CHMP4B: variants seen among roughly 807,000 people sequenced by gnomAD.
CHMP4B encodes SNF7 homolog associated with Alix 1.
In CHMP4B, 1 loss-of-function variant was observed where a neutral mutation model predicts 25.1. The ratio of observed to expected loss-of-function variants is 0.04; its 90% CI spans 0.01 to 0.19. CHMP4B has a LOEUF of 0.19. Ranked by LOEUF, CHMP4B falls within the 10% of genes least tolerant of loss-of-function variation. The pLI is 1.00. For synonymous variants in CHMP4B, 101 were observed against 115.6 expected (o/e 0.87, Z 0.81); for missense variants, 151 against 289.7 (o/e 0.52, Z 3.48).
intron 1 of CHMP4B, among the ~76,000 whole-genome samples, chr20:33,844,847 C>G (rs1462501779): frequency 9.9e-5 from 15 of 151,748 alleles, no homozygotes; most frequent in Non-Finnish European, 1.9e-4. Context: ...CAAGCTCCGC[C>G]TCCTGGGCTC....
intron 1 of CHMP4B, among the ~76,000 whole-genome samples, chr20:33,813,412 T>C (rs767452627): frequency 5.3e-5 from 8 of 152,036 alleles, no homozygotes; most frequent in Non-Finnish European, 1.0e-4. Context: ...TTTTAAAACA[T>C]CATCTGGCTG....
At chr20:33,820,271 G>A (rs957016817) in intron 1 of CHMP4B, among the ~76,000 whole-genome samples, 12 of 152,280 alleles carry the variant, frequency 7.9e-5, no homozygotes, top group Middle Eastern at 3.4e-3. Context: ...ATCCTCAGGT[G>A]GTTTGTATGC....
At chr20:33,813,286 A>C (rs1313895609) in intron 1 of CHMP4B, among the ~76,000 whole-genome samples, 1 of 152,194 alleles carries the variant, frequency 6.6e-6, no homozygotes, top group Admixed American at 6.5e-5. Context: ...GTGGTATGGA[A>C]TAAAGGGGGC....
chr20:33,853,621 G>C lies in CHMP4B; in HGVS notation c.*61G>C. ...GGTGGCCTGCGCAGCGAGCAGGCGT[G>C]TGCGTGTGTGGGGCAGGCAGGATGT... On this transcript the variant is annotated 3_prime_UTR_variant, in exon 5 of 5. Coordinates refer to ENST00000217402, the MANE Select transcript of CHMP4B (RefSeq NM_176812.5). 1 of 1,449,592 alleles carries C rather than the reference G, an allele frequency of 6.9e-7. No homozygotes were observed. The highest frequency in any genetic ancestry group is 9.7e-7 in the Non-Finnish European group (1 of 1,030,554). The allele number at this position is 1,449,592 out of a possible 1,614,324, so 89.8% of individuals were successfully genotyped here.
intron 2 of CHMP4B, among the ~76,000 whole-genome samples, chr20:33,849,475 C>G (rs1349592431): frequency 2.6e-5 from 4 of 152,168 alleles, no homozygotes; most frequent in African/African-American, 9.7e-5. Context: ...TGGCATGCGC[C>G]TGTAATCCCA....
chr20:33,853,410 C>G, intron 4 of CHMP4B, 86 bp from the exon 5 acceptor site: 1 of 1,255,566 alleles, frequency 8.0e-7, no homozygotes, highest in Non-Finnish European at 1.2e-6. Flanking sequence ...TTGACAGACA[C>G]CATGGAGCAC....
intron 1 of CHMP4B, among the ~76,000 whole-genome samples, chr20:33,846,988 A>T (rs1979705783): frequency 2.0e-5 from 3 of 152,222 alleles, no homozygotes. Flanking sequence ...GATTAACAAG[A>T]GAAAAACCAT....
chr20:33,834,209 CCTT>C (rs1979331167), intron 1 of CHMP4B, among the ~76,000 whole-genome samples: 1 of 152,028 alleles, frequency 6.6e-6, no homozygotes, highest in South Asian at 2.1e-4. Flanking sequence ...ATTTCATTGA[CCTT>C]CTTTCTCTTT....
intron 1 of CHMP4B, among the ~76,000 whole-genome samples, chr20:33,837,309 C>G (rs1979418465): frequency 6.6e-6 from 1 of 151,956 alleles, no homozygotes; most frequent in African/African-American, 2.4e-5. Flanking sequence ...TGAGATTGTG[C>G]CACTGCACTC....
In CHMP4B at chr20:33,851,464, C is replaced by T. The variant is rs146971417; in HGVS notation, c.483+398C>T. Among the ~76,000 whole-genome samples, 401 of 152,054 alleles carry T rather than the reference C, an allele frequency of 2.6e-3. 1 individual carries two copies. Among genetic ancestry groups the T allele is most frequent in the African/African-American group, 9.2e-3 (383 of 41,474 alleles). ...AAAGAGGGGGCACTTACCCCTGACC[C>T]GGGGTATCTGTCTAGATCTCGGCCA... On this transcript the variant is annotated intron_variant, in intron 3 of 4. Transcript: ENST00000217402.
intron 2 of CHMP4B, among the ~76,000 whole-genome samples, chr20:33,850,662 G>A (rs950597612): frequency 1.3e-5 from 2 of 152,234 alleles, no homozygotes; most frequent in Admixed American, 6.5e-5. Flanking sequence ...AAGCCCTGCG[G>A]TCTTAATGTG....
At chr20:33,832,717 A>G (rs1440681797) in intron 1 of CHMP4B, among the ~76,000 whole-genome samples, 1 of 151,996 alleles carries the variant, frequency 6.6e-6, no homozygotes, top group Non-Finnish European at 1.5e-5. Context: ...CCCATGTATG[A>G]ATGGTAGTAA....
intron 2 of CHMP4B, 24 bp from the exon 3 acceptor site, chr20:33,850,928 G>A (rs1271741240): frequency 6.5e-7 from 1 of 1,530,834 alleles, no homozygotes; most frequent in Admixed American, 1.7e-5. Flanking sequence ...CGATTGATAT[G>A]ATACCTGTCC....
At chr20:33,834,089 G>A (rs911503449) in intron 1 of CHMP4B, among the ~76,000 whole-genome samples, 2 of 151,978 alleles carry the variant, frequency 1.3e-5, no homozygotes, top group Non-Finnish European at 2.9e-5. Context: ...AATATTCCTG[G>A]AGTCTGTAGT....
At chr20:33,821,749 C>A (rs984348992) in intron 1 of CHMP4B, among the ~76,000 whole-genome samples, 1 of 152,082 alleles carries the variant, frequency 6.6e-6, no homozygotes, top group East Asian at 1.9e-4. Context: ...AAAGCGAGAC[C>A]CTATCTCTAT....
Position 33,853,774 on chromosome 20 carries a change from A to AAC in CHMP4B, c.*215_*216insCA. The stretch of plus-strand genomic sequence containing the variant: ...GGGGGAGGGGGGCGGGCGGGGTGGG[A>AAC]AGTGCCTGCTGTTTATAATGTTGAA... On this transcript the variant is annotated 3_prime_UTR_variant, in exon 5 of 5. Transcript: ENST00000217402. 1 of 247,750 alleles carries AAC rather than the reference A, an allele frequency of 4.0e-6. No individual in the cohort carries two copies. 15.3% of individuals were successfully genotyped at this position (247,750 alleles called of 1,614,324 possible).
At chr20:33,840,258 G>A (rs1337591374) in intron 1 of CHMP4B, among the ~76,000 whole-genome samples, 1 of 148,444 alleles carries the variant, frequency 6.7e-6, no homozygotes, top group Non-Finnish European at 1.5e-5. Flanking sequence ...AAAAAAAAAA[G>A]GGGGGGGACA....
intron 1 of CHMP4B, among the ~76,000 whole-genome samples, chr20:33,841,138 T>C (rs1477450948): frequency 6.6e-6 from 1 of 152,246 alleles, no homozygotes; most frequent in Non-Finnish European, 1.5e-5. Context: ...TTTGTCCCTT[T>C]CAAACAGATA....
chr20:33,839,211 G>A (rs1453071738), intron 1 of CHMP4B, among the ~76,000 whole-genome samples: 2 of 152,058 alleles, frequency 1.3e-5, no homozygotes, highest in Admixed American at 6.5e-5. Context: ...TTAGGACCTG[G>A]GAAAAGATCT....
Sources: allele counts gnomAD v4.1 joint callset (sites outside exome capture counted in the v4.1 genomes callset), GRCh38; gene constraint gnomAD v4.1.1; transcripts MANE v1.5; gene names NCBI Gene and HGNC (gene_info 2026-07-23, HGNC 2026-07-21).